The following XPR1 variants were observed in gnomAD, a reference collection of about 807,000 sequenced individuals.
XPR1 encodes xenotropic and polytropic retrovirus receptor 1.
In XPR1, 28 loss-of-function variants were observed where a neutral mutation model predicts 87.5. That is an observed-to-expected ratio of 0.32 (90% confidence interval 0.24 to 0.44). XPR1 has a LOEUF of 0.44. Among genes scored for constraint, XPR1 ranks in the 20% least tolerant of loss-of-function variants. XPR1 has a pLI of 1.00. For missense variants in XPR1, 559 were observed against 862.3 expected (o/e 0.65, Z 4.41); for synonymous variants, 300 against 306.1 (o/e 0.98, Z 0.21).
At chr1:180,835,067 A>G (rs888791977) in intron 10 of XPR1, 22 bp downstream of exon 10, 15 of 1,609,158 alleles carry the variant, frequency 9.3e-6, no homozygotes, top group Admixed American at 5.0e-5. Flanking sequence ...ATTTGCATCT[A>G]TACTACTAAA....
rs376625876 is a variant in XPR1, at chr1:180,705,979, C to T, written c.121+23568C>T. ...ACATTTAGATAGCCTTAGGAGAGGG[C>T]CTTCTAAGCACAGAGAAGCAACAAG... On this transcript the variant is annotated intron_variant, in intron 2 of 14. Coordinates refer to ENST00000367590, the MANE Select transcript of XPR1 (RefSeq NM_004736.4). 3.9e-4 allele frequency among the ~76,000 whole-genome samples: 60 copies of T among 152,244 alleles called. No homozygotes were observed. In the East Asian group the frequency reaches 6.4e-3, roughly 16 times the overall value.
chr1:180,663,151 G>GTGAGGTCATGTTTTCCTGGATGTCT (rs1655835170), intron 1 of XPR1, among the ~76,000 whole-genome samples: 1 of 152,122 alleles, frequency 6.6e-6, no homozygotes, highest in Non-Finnish European at 1.5e-5. Context: ...AGTTCCTTTG[G>GTGAGGTCATGTTTTCCTGGATGTCT]TGAGGTCATG....
At chr1:180,715,973 G>C (rs763811827) in intron 2 of XPR1, among the ~76,000 whole-genome samples, 43 of 152,242 alleles carry the variant, frequency 2.8e-4, no homozygotes, top group Non-Finnish European at 4.9e-4. Flanking sequence ...GTACCCGGCT[G>C]AGAAGTTGTT....
chr1:180,862,695 AT>A (rs11285692), intron 11 of XPR1, among the ~76,000 whole-genome samples: 6,543 of 152,230 alleles, frequency 0.043, 498 homozygotes, highest in African/African-American at 0.15. Context: ...TAACACATTA[AT>A]ATAACCTAAA....
At chr1:180,853,667 A>ACACACACACACACC (rs1283931843) in intron 11 of XPR1, among the ~76,000 whole-genome samples, 2 of 132,980 alleles carry the variant, frequency 1.5e-5, no homozygotes, top group Non-Finnish European at 3.3e-5. Flanking sequence ...ACACACACAC[A>ACACACACACACACC]CCCTACCTCT....
chr1:180,749,638 A>C (rs890929116), intron 2 of XPR1, among the ~76,000 whole-genome samples: 3 of 53,162 alleles, frequency 5.6e-5, no homozygotes, highest in African/African-American at 2.7e-4. Context: ...ACACATATAC[A>C]TCACACACAC....
At chr1:180,661,558 A>T (rs1444088635) in intron 1 of XPR1, among the ~76,000 whole-genome samples, 2 of 151,040 alleles carry the variant, frequency 1.3e-5, no homozygotes, top group Admixed American at 1.3e-4. Flanking sequence ...AGGCTTGTAA[A>T]TATTATCTAA....
chr1:180,702,921 A>G (rs1004952250), intron 2 of XPR1, among the ~76,000 whole-genome samples: 1 of 151,950 alleles, frequency 6.6e-6, no homozygotes, highest in Admixed American at 6.6e-5. Flanking sequence ...TTCCAATTTT[A>G]TGGATTGACT....
chr1:180,640,984 G>T (rs1262481037), intron 1 of XPR1, among the ~76,000 whole-genome samples: 1 of 152,138 alleles, frequency 6.6e-6, no homozygotes, highest in African/African-American at 2.4e-5. Flanking sequence ...TTTGTTTGTA[G>T]CTGAGTTAAC....
chr1:180,744,163 T>C (rs1210384068), intron 2 of XPR1, among the ~76,000 whole-genome samples: 2 of 152,218 alleles, frequency 1.3e-5, no homozygotes, highest in Non-Finnish European at 2.9e-5. Flanking sequence ...CCTCTCCCCA[T>C]CATTTATTCC....
chr1:180,749,492 T>C (rs1647432829), intron 2 of XPR1, among the ~76,000 whole-genome samples: 1 of 152,210 alleles, frequency 6.6e-6, no homozygotes, highest in African/African-American at 2.4e-5. Context: ...GGTTGATTTC[T>C]TATGAGTTTT....
At chr1:180,879,713 C>T (rs1029287008) in intron 13 of XPR1, among the ~76,000 whole-genome samples, 3 of 152,180 alleles carry the variant, frequency 2.0e-5, no homozygotes, top group Non-Finnish European at 4.4e-5. Flanking sequence ...TGATTGTTTA[C>T]TTGCTCATTG....
At chr1:180,876,691 A>G (rs1379036257) in intron 13 of XPR1, among the ~76,000 whole-genome samples, 1 of 152,180 alleles carries the variant, frequency 6.6e-6, no homozygotes, top group African/African-American at 2.4e-5. Flanking sequence ...TAAAGGGGGA[A>G]AAAGAACCTC....
chr1:180,719,529 T>G (rs993737368), intron 2 of XPR1, among the ~76,000 whole-genome samples: 3 of 152,230 alleles, frequency 2.0e-5, no homozygotes, highest in African/African-American at 7.2e-5. Context: ...CCTTTGTTCT[T>G]GCAGCAATTT....
intron 9 of XPR1, among the ~76,000 whole-genome samples, chr1:180,827,470 A>G (rs575483332): frequency 6.6e-6 from 1 of 152,336 alleles, no homozygotes; most frequent in East Asian, 1.9e-4. Context: ...TACTCCTATT[A>G]GCAGAATGAT....
chr1:180,820,782 T>C (rs1462883514), intron 7 of XPR1, among the ~76,000 whole-genome samples: 1 of 152,206 alleles, frequency 6.6e-6, no homozygotes, highest in East Asian at 1.9e-4. Context: ...AAGTGGTATC[T>C]CATTGTGGTT....
chr1:180,762,385 A>C (rs886182758), intron 2 of XPR1, among the ~76,000 whole-genome samples: 9 of 152,352 alleles, frequency 5.9e-5, no homozygotes, highest in Non-Finnish European at 1.3e-4. Flanking sequence ...GGTGAACGTT[A>C]TGAACAGAAG....
At chr1:180,866,859 T>G (rs1259984114) in intron 12 of XPR1, among the ~76,000 whole-genome samples, 72 of 141,332 alleles carry the variant, frequency 5.1e-4, no homozygotes, top group African/African-American at 1.9e-3. Flanking sequence ...ATGTGCACAT[T>G]GTGCAGGTTA....
intron 2 of XPR1, among the ~76,000 whole-genome samples, chr1:180,724,150 T>C (rs540213255): frequency 6.6e-6 from 1 of 152,286 alleles, no homozygotes; most frequent in South Asian, 2.1e-4. Flanking sequence ...AGACACATGT[T>C]CTAAAAGAAA....
Sources: gnomAD v4.1 joint callset for allele counts (sites outside exome capture counted in the v4.1 genomes callset) on GRCh38, gnomAD v4.1.1 for gene constraint, MANE v1.5 for transcripts, NCBI Gene and HGNC (gene_info 2026-07-23, HGNC 2026-07-21) for gene names.